SLC1A2: variants seen among roughly 807,000 people sequenced by gnomAD.
SLC1A2 encodes excitatory amino acid transporter 2.
Under a neutral mutation model 48.8 loss-of-function variants are expected in SLC1A2, and 15 were observed. The observed-to-expected ratio is 0.31, with a 90% CI of 0.21 to 0.47. SLC1A2 has a LOEUF of 0.47. SLC1A2 is among the 20% of genes least tolerant of loss of function. SLC1A2 has a pLI of 0.99. For synonymous variants in SLC1A2, 279 were observed against 272.6 expected (o/e 1.02, Z -0.23); for missense variants, 502 against 730.5 (o/e 0.69, Z 3.61).
At chr11:35,369,449 C>T (rs1853981863) in intron 1 of SLC1A2, among the ~76,000 whole-genome samples, 1 of 152,188 alleles carries the variant, frequency 6.6e-6, no homozygotes, top group African/African-American at 2.4e-5. Context: ...TCTCCCACTC[C>T]CCAGCTGAAG....
At chr11:35,386,558 T>C (rs1308665787) in intron 1 of SLC1A2, among the ~76,000 whole-genome samples, 1 of 152,358 alleles carries the variant, frequency 6.6e-6, no homozygotes, top group Non-Finnish European at 1.5e-5. Flanking sequence ...CATCAATTTT[T>C]ATTTTTGAAA....
chr11:35,379,193 C>G (rs1434483673), intron 1 of SLC1A2, among the ~76,000 whole-genome samples: 1 of 152,084 alleles, frequency 6.6e-6, no homozygotes, highest in African/African-American at 2.4e-5. Context: ...CATGCCATTG[C>G]ACTCTAGCCT....
At chr11:35,418,716 C>A (rs1855687811) in intron 1 of SLC1A2, 2 of 559,230 alleles carry the variant, frequency 3.6e-6, no homozygotes, top group South Asian at 4.4e-5. Context: ...GCACCTTACC[C>A]TTTTTATCAA....
Position 35,255,073 on chromosome 11 carries a change from C to T in SLC1A2, c.*5821G>A, listed in dbSNP as rs1294070518. On this transcript the variant is annotated 3_prime_UTR_variant, in exon 11 of 11. Transcript: ENST00000278379. The stretch of plus-strand genomic sequence containing the variant: ...AAAAAAGCCGGCCGAAAAACAAAAC[C>T]CAATCCTTTCAGTCCTAGCTTTACA... The T allele has an allele frequency of 3.2e-6, 1 of 311,762 alleles. No individual in the cohort carries two copies. Among genetic ancestry groups the T allele is most frequent in the African/African-American group, 2.2e-5 (1 of 45,302 alleles). The allele number at this position is 311,762 out of a possible 1,614,324, so 19.3% of individuals were successfully genotyped here.
At chr11:35,276,708 C>A (rs1850453576) in intron 9 of SLC1A2, among the ~76,000 whole-genome samples, 1 of 152,102 alleles carries the variant, frequency 6.6e-6, no homozygotes, top group Non-Finnish European at 1.5e-5. Flanking sequence ...AATGGCAGAC[C>A]CACTGGGGCT....
chr11:35,258,650 T>G lies in SLC1A2; in HGVS notation c.*2244A>C, dbSNP rs1288859395. 2 of 152,488 alleles carry G rather than the reference T, an allele frequency of 1.3e-5. No homozygotes were observed. The highest frequency in any genetic ancestry group is 2.9e-5 in the Non-Finnish European group (2 of 68,104). 9.4% of individuals were successfully genotyped at this position (152,488 alleles called of 1,614,324 possible). A position where few individuals can be genotyped will look rare whatever the true frequency, so the allele number is the denominator to read the frequency against. ...AACCTATAACATTTGCTGTAAAGAATGTATTTTCTGGCCGGGCACGGTGGC... is the reference window on the plus strand; with the variant it reads ...AACCTATAACATTTGCTGTAAAGAAGGTATTTTCTGGCCGGGCACGGTGGC... On this transcript the variant is annotated 3_prime_UTR_variant, in exon 11 of 11. Coordinates refer to ENST00000278379, the MANE Select transcript of SLC1A2 (RefSeq NM_004171.4).
At chr11:35,409,384 C>T (rs1021943028) in intron 1 of SLC1A2, among the ~76,000 whole-genome samples, 9 of 152,148 alleles carry the variant, frequency 5.9e-5, no homozygotes, top group African/African-American at 2.2e-4. Flanking sequence ...CTGAAAATGT[C>T]AATAATAGCT....
intron 4 of SLC1A2, among the ~76,000 whole-genome samples, chr11:35,310,897 A>G (rs537338286): frequency 1.3e-5 from 2 of 152,316 alleles, no homozygotes; most frequent in Non-Finnish European, 2.9e-5. Context: ...TACATTGCTA[A>G]GGAATCTGTA....
chr11:35,362,355 C>A (rs979426070), intron 1 of SLC1A2, among the ~76,000 whole-genome samples: 13 of 152,190 alleles, frequency 8.5e-5, no homozygotes, highest in Non-Finnish European at 1.8e-4. Flanking sequence ...GAGGACTGTT[C>A]TTCAGTTGGT....
At chr11:35,291,407 G>A (rs7111055) in intron 7 of SLC1A2, 33,523 of 151,566 alleles carry the variant, frequency 0.22, 3,809 homozygotes, top group Admixed American at 0.28. Context: ...GATTATAGGC[G>A]CCCCCCACCG....
intron 1 of SLC1A2, chr11:35,323,065 T>C (rs1289017441): frequency 6.7e-5 from 26 of 387,074 alleles, no homozygotes; most frequent in South Asian, 6.1e-4. Context: ...GCCTCCAAAG[T>C]CTCCTTCAGT....
At chr11:35,351,931 G>T (rs943500875) in intron 1 of SLC1A2, among the ~76,000 whole-genome samples, 18 of 152,182 alleles carry the variant, frequency 1.2e-4, no homozygotes, top group African/African-American at 4.1e-4. Context: ...ACCGCATCTG[G>T]CCCTGATCAT....
In SLC1A2 at chr11:35,301,548, A is replaced by G. The variant is rs1298037928; in HGVS notation, c.828T>C (p.Ile276=). The G allele has an allele frequency of 6.2e-7, 1 of 1,613,692 alleles. No individual in the cohort carries two copies. Among genetic ancestry groups the G allele is most frequent in the Admixed American group, 1.7e-5 (1 of 60,006 alleles). ...MVDFFNILNE[I]VMKLVIMIMW... ...TGATCATGATCACTAACTTCATTAC[A>G]ATCTCATTCAAAATGTTGAAGAAAT... The change falls in exon 6 of 11, where the codon ATT becomes ATC. Residue 276 remains isoleucine (I), a synonymous_variant. Transcript: ENST00000278379.
intron 1 of SLC1A2, among the ~76,000 whole-genome samples, chr11:35,334,094 T>C (rs749735330): frequency 2.6e-5 from 4 of 152,188 alleles, no homozygotes; most frequent in South Asian, 2.1e-4. Flanking sequence ...AACAATCAGA[T>C]AGAACTAAGA....
intron 4 of SLC1A2, among the ~76,000 whole-genome samples, chr11:35,306,839 A>C (rs892416648): frequency 3.3e-5 from 5 of 152,234 alleles, no homozygotes; most frequent in African/African-American, 1.2e-4. Flanking sequence ...CGCCAGTCTT[A>C]TCCATGTTGC....
At chr11:35,290,726 T>TC (rs200757032) in intron 7 of SLC1A2, among the ~76,000 whole-genome samples, 261 of 99,862 alleles carry the variant, frequency 2.6e-3, no homozygotes, top group Admixed American at 0.017. Context: ...TTTTTTTTTT[T>TC]TTCTCTTTTT....
At chr11:35,262,919 A>G (rs886072679) in intron 10 of SLC1A2, among the ~76,000 whole-genome samples, 3 of 152,240 alleles carry the variant, frequency 2.0e-5, no homozygotes, top group African/African-American at 7.2e-5. Flanking sequence ...AACCATTTAC[A>G]TAGAGACTGA....
chr11:35,323,824 C>T (rs1247152867), intron 1 of SLC1A2, among the ~76,000 whole-genome samples: 1 of 152,188 alleles, frequency 6.6e-6, no homozygotes. Flanking sequence ...TTTTCTAGGG[C>T]CAATAAAGCT....
At chr11:35,400,848 G>A (rs1328559629) in intron 1 of SLC1A2, among the ~76,000 whole-genome samples, 2 of 152,170 alleles carry the variant, frequency 1.3e-5, no homozygotes, top group East Asian at 3.8e-4. Flanking sequence ...CATAACCCCA[G>A]GAGATCCTGA....
Sources: gnomAD v4.1 joint callset for allele counts (sites outside exome capture counted in the v4.1 genomes callset) on GRCh38, gnomAD v4.1.1 for gene constraint, MANE v1.5 for transcripts, NCBI Gene and HGNC (gene_info 2026-07-23, HGNC 2026-07-21) for gene names.